Variants in DNAH12 observed in about 807,000 individuals in gnomAD.
DNAH12 encodes dynein axonemal heavy chain 12.
DNAH12 carries 285 observed loss-of-function variants against 371.5 expected under a neutral mutation model. That is an observed-to-expected ratio of 0.77 (90% CI 0.70 to 0.85). The LOEUF is 0.85. DNAH12 is among the 40% of genes least tolerant of loss of function. DNAH12 has a pLI of 0.00. For synonymous variants in DNAH12, 1,200 were observed against 1,213.0 expected, an observed-to-expected ratio of 0.99 and a Z score of 0.22; for missense variants, 3,611 against 3,689.4, an observed-to-expected ratio of 0.98 and a Z score of 0.55.
chr3:57,297,031 C>G, intron 70 of DNAH12, 47 bp from the exon 71 acceptor site: 3 of 1,539,782 alleles, frequency 1.9e-6, no homozygotes, highest in Non-Finnish European at 1.8e-6. Context: ...TAAAGTTATA[C>G]AAGTGCCACC....
intron 44 of DNAH12, among the ~76,000 whole-genome samples, chr3:57,392,813 T>C (rs1395668427): frequency 3.3e-5 from 5 of 152,092 alleles, no homozygotes; most frequent in South Asian, 2.1e-4. Context: ...AGATAGATAA[T>C]AGCTAAAGAA....
intron 60 of DNAH12, among the ~76,000 whole-genome samples, chr3:57,349,990 T>C (rs1380564784): frequency 3.9e-5 from 6 of 152,128 alleles, no homozygotes; most frequent in Non-Finnish European, 7.4e-5. Context: ...ACACCCGGAC[T>C]GGAGACTATT....
intron 52 of DNAH12, among the ~76,000 whole-genome samples, chr3:57,378,089 GCT>G (rs2063318502): frequency 6.6e-6 from 1 of 152,168 alleles, no homozygotes; most frequent in East Asian, 1.9e-4. Flanking sequence ...AAAGCAGGAA[GCT>G]CTCTTTTCTG....
rs2063511981 is a variant in DNAH12 at position 57,387,069 on chromosome 3, A to T, written c.7439+17T>A. On this transcript the variant is annotated intron_variant, in intron 46 of 73. Transcript: ENST00000495027. ...ACAAATCCCTTCATTGTCATTTTTA[A>T]ATTCACTAATATTAACCTTTCTGAA... 1 of 152,224 alleles carries T rather than the reference A, an allele frequency of 6.6e-6. No homozygotes were observed. The highest frequency in any genetic ancestry group is 2.4e-5 in the African/African-American group (1 of 41,466). The allele number at this position is 152,224 out of a possible 1,614,324, so 9.4% of individuals were successfully genotyped here. A position where few individuals can be genotyped will look rare whatever the true frequency, so the allele number is the denominator to read the frequency against.
intron 13 of DNAH12, among the ~76,000 whole-genome samples, chr3:57,477,456 C>A (rs541916084): frequency 5.9e-5 from 9 of 152,166 alleles, no homozygotes; most frequent in Non-Finnish European, 1.2e-4. Context: ...TGCACGGCAG[C>A]TCAAGGAGGC....
chr3:57,452,740 G>A, intron 25 of DNAH12, 103 bp downstream of exon 25: 2 of 1,070,914 alleles, frequency 1.9e-6, no homozygotes, highest in Non-Finnish European at 2.6e-6. Flanking sequence ...GATTAGAAAG[G>A]GATAATTGTA....
At chr3:57,410,180 T>C (rs1051681800) in intron 39 of DNAH12, among the ~76,000 whole-genome samples, 26 of 152,210 alleles carry the variant, frequency 1.7e-4, no homozygotes, top group Admixed American at 1.2e-3. Context: ...TGTGTTTTTT[T>C]ACAATCTGAA....
chr3:57,474,957 A>G (rs990592255), intron 13 of DNAH12, among the ~76,000 whole-genome samples: 7 of 136,220 alleles, frequency 5.1e-5, no homozygotes, highest in African/African-American at 1.9e-4. Context: ...GCCTAGCGAC[A>G]GAGCGAGACT....
chr3:57,474,551 C>A (rs2066465242), intron 13 of DNAH12, among the ~76,000 whole-genome samples: 1 of 152,196 alleles, frequency 6.6e-6, no homozygotes, highest in African/African-American at 2.4e-5. Context: ...CCACGTCGGC[C>A]TCCCACAGTG....
chr3:57,305,074 G>C (rs1419986642), intron 69 of DNAH12, among the ~76,000 whole-genome samples: 1 of 152,100 alleles, frequency 6.6e-6, no homozygotes, highest in Non-Finnish European at 1.5e-5. Context: ...ACTCGACAGT[G>C]GTTCCAAATA....
chr3:57,343,018 G>A (rs1047491542), intron 60 of DNAH12, among the ~76,000 whole-genome samples: 1 of 151,952 alleles, frequency 6.6e-6, no homozygotes, highest in Non-Finnish European at 1.5e-5. Context: ...GTTGCAGTGA[G>A]CCAAGAAAGT....
At chr3:57,412,292 T>C (rs1473691769) in intron 39 of DNAH12, among the ~76,000 whole-genome samples, 1 of 152,190 alleles carries the variant, frequency 6.6e-6, no homozygotes, top group African/African-American at 2.4e-5. Context: ...TTACACCCTT[T>C]ACAACAATTA....
At chr3:57,458,658 T>G (rs970839749) in intron 20 of DNAH12, among the ~76,000 whole-genome samples, 2 of 152,218 alleles carry the variant, frequency 1.3e-5, no homozygotes, top group African/African-American at 4.8e-5. Context: ...ATTTTCACAC[T>G]TTTAGAAGTT....
chr3:57,486,053 C>G (rs1029617534), intron 12 of DNAH12, among the ~76,000 whole-genome samples: 2 of 151,766 alleles, frequency 1.3e-5, no homozygotes, highest in African/African-American at 4.8e-5. Context: ...AACCCCATCT[C>G]TACTAAAAAT....
intron 26 of DNAH12, 44 bp from the exon 27 acceptor site, chr3:57,446,314 G>T: frequency 6.6e-7 from 1 of 1,522,706 alleles, no homozygotes; most frequent in Non-Finnish European, 8.8e-7. Context: ...CTCAGGAAAG[G>T]ATATCATCTC....
intron 58 of DNAH12, among the ~76,000 whole-genome samples, chr3:57,361,783 A>G: frequency 6.6e-6 from 1 of 152,218 alleles, no homozygotes. Context: ...CTATCCAATA[A>G]TAATACCTAT....
Position 57,433,810 on chromosome 3 carries a change from C to A in DNAH12, c.4674G>T (p.Glu1558Asp). ...IVRHGFMLVG[E>D]PFAAKTKVLH... ...GAACTTTTGTCTTAGCAGCAAAAGG[C>A]TCTCCTACTAACATAAAACTATGAA... The change falls in exon 31 of 74, where the codon GAG becomes GAT. Residue 1558 changes from glutamate (E) to aspartate (D), a missense_variant. Glu to Asp is a conservative substitution (Grantham distance 45, BLOSUM62 2). Coordinates refer to ENST00000495027, the MANE Select transcript of DNAH12 (RefSeq NM_001366028.2). 6.5e-7 allele frequency: 1 copy of A among 1,543,886 alleles called. No homozygotes were observed.
chr3:57,387,761 T>TTC (rs1458567956), intron 45 of DNAH12, among the ~76,000 whole-genome samples: 1 of 152,168 alleles, frequency 6.6e-6, no homozygotes, highest in Non-Finnish European at 1.5e-5. Context: ...TTGGCCTACT[T>TTC]TCATTCTTCT....
intron 4 of DNAH12, chr3:57,512,517 CAAG>C (rs1275601122): frequency 1.3e-5 from 2 of 152,138 alleles, no homozygotes; most frequent in Non-Finnish European, 2.9e-5. Context: ...GGCCCCTGTG[CAAG>C]GATGGACACA....
Sources: gnomAD v4.1 joint callset for allele counts (sites outside exome capture counted in the v4.1 genomes callset) on GRCh38, gnomAD v4.1.1 for gene constraint, MANE v1.5 for transcripts, NCBI Gene and HGNC (gene_info 2026-07-23, HGNC 2026-07-21) for gene names.